Variants in PON2 observed in about 807,000 individuals in gnomAD.
PON2 encodes the protein serum paraoxonase/arylesterase 2.
A neutral mutation model predicts 36.6 loss-of-function variants in PON2; 27 were observed. The ratio of observed to expected loss-of-function variants is 0.74; its 90% CI spans 0.54 to 1.02. The LOEUF is 1.02. Ranked by LOEUF, PON2 falls within the 50% of genes least tolerant of loss-of-function variation. PON2 has a pLI of 0.00. For missense variants in PON2, 363 were observed against 421.1 expected (o/e 0.86, Z 1.21); for synonymous variants, 149 against 156.3 (o/e 0.95, Z 0.35).
chr7:95,409,855 G>A (rs754987929), intron 6 of PON2, 46 bp downstream of exon 6: 22 of 1,573,432 alleles, frequency 1.4e-5, no homozygotes, highest in Non-Finnish European at 1.7e-5. Flanking sequence ...AATTTGGCCA[G>A]CACCACAACT....
chr7:95,428,299 G>A (rs536330119), intron 1 of PON2, among the ~76,000 whole-genome samples: 6 of 152,098 alleles, frequency 3.9e-5, no homozygotes, highest in South Asian at 2.1e-4. Flanking sequence ...AACAGTATCC[G>A]CTGGCTTCCT....
intron 3 of PON2, chr7:95,415,174 T>C (rs936357622): frequency 6.6e-6 from 1 of 152,234 alleles, no homozygotes; most frequent in African/African-American, 2.4e-5. Flanking sequence ...TGGTTACTTC[T>C]TCCTCCAGAA....
chr7:95,426,273 A>G (rs77905306), intron 1 of PON2, among the ~76,000 whole-genome samples: 5,186 of 146,354 alleles, frequency 0.035, 195 homozygotes, highest in African/African-American at 0.085. Flanking sequence ...CAGAGAGAGA[A>G]AAAAAAAGTT....
At chr7:95,433,607 GC>G (rs11323880) in intron 1 of PON2, among the ~76,000 whole-genome samples, 47,687 of 152,030 alleles carry the variant, frequency 0.31, 7,691 homozygotes, top group East Asian at 0.44. Context: ...TGAAAGTGGG[GC>G]CCCATTTTTC....
chr7:95,434,463 G>T (rs1789515614), intron 1 of PON2: 1 of 183,360 alleles, frequency 5.5e-6, no homozygotes. Flanking sequence ...TCTGGTTTGG[G>T]CAACAAGGAG....
chr7:95,410,032 AG>A lies in PON2; in HGVS notation c.563del (p.Pro188LeufsTer3), dbSNP rs1562785324. On this transcript the variant is annotated frameshift_variant, in exon 6 of 9. Coordinates refer to ENST00000222572, the MANE Select transcript of PON2 (RefSeq NM_000305.3). LOFTEE classifies it high-confidence loss of function. Reference sequence around the variant, plus strand: ...AGTATGTTTCTAAATACTTTAAGAAAGGATCAGAGAAGTAGTGGTCATTTGT... The same window carrying A: ...AGTATGTTTCTAAATACTTTAAGAAAGATCAGAGAAGTAGTGGTCATTTGT... Reference protein sequence around the residue: ...YATNDHYFSDPFLKYLETYLN... With the variant: ...YATNDHYFSDXFLKYLETYLN... 1.9e-6 allele frequency: 3 copies of A among 1,613,888 alleles called. No homozygotes were observed. Among genetic ancestry groups the A allele is most frequent in the South Asian group, 2.2e-5 (2 of 91,082 alleles).
At chr7:95,428,089 G>A (rs1789357081) in intron 1 of PON2, among the ~76,000 whole-genome samples, 1 of 152,170 alleles carries the variant, frequency 6.6e-6, no homozygotes, top group Admixed American at 6.5e-5. Flanking sequence ...ATCAATAACA[G>A]CACTCTCCCT....
At chr7:95,409,833 A>G in intron 6 of PON2, 68 bp downstream of exon 6, 4 of 1,394,258 alleles carry the variant, frequency 2.9e-6, no homozygotes, top group Non-Finnish European at 3.0e-6. Context: ...TGACAAAGAA[A>G]GCAAAGTAAA....
At chr7:95,416,531 TCAC>T (rs963978041) in intron 2 of PON2, 53 of 553,648 alleles carry the variant, frequency 9.6e-5, no homozygotes, top group African/African-American at 8.9e-4. Context: ...AGTCAAGTTA[TCAC>T]CACATTTCCA....
At chr7:95,433,890 C>G (rs1361110888) in intron 1 of PON2, among the ~76,000 whole-genome samples, 1 of 152,232 alleles carries the variant, frequency 6.6e-6, no homozygotes, top group Non-Finnish European at 1.5e-5. Flanking sequence ...CTATGCGGTT[C>G]ATTTGTGTCT....
intron 1 of PON2, among the ~76,000 whole-genome samples, chr7:95,434,566 C>T (rs914142280): frequency 1.3e-5 from 2 of 152,174 alleles, no homozygotes; most frequent in African/African-American, 4.8e-5. Flanking sequence ...CTAGTTTGGC[C>T]CTTGGGTAAT....
At chr7:95,416,023 T>A in intron 3 of PON2, 1 of 736,076 alleles carries the variant, frequency 1.4e-6, no homozygotes, top group East Asian at 2.7e-5. Flanking sequence ...TTTAGTGCAA[T>A]GCAATGGGGA....
intron 3 of PON2, among the ~76,000 whole-genome samples, chr7:95,415,713 G>A (rs1789045554): frequency 6.6e-6 from 1 of 152,110 alleles, no homozygotes; most frequent in South Asian, 2.1e-4. Flanking sequence ...AGCACTTTGG[G>A]AGGCTGAGGC....
chr7:95,414,420 A>T (rs1270080930), intron 3 of PON2, among the ~76,000 whole-genome samples: 1 of 152,334 alleles, frequency 6.6e-6, no homozygotes, highest in Admixed American at 6.5e-5. Context: ...GGGTAACAGA[A>T]AAAAAGCAGA....
chr7:95,417,946 A>G (rs1789108281), intron 2 of PON2, among the ~76,000 whole-genome samples: 1 of 152,166 alleles, frequency 6.6e-6, no homozygotes, highest in African/African-American at 2.4e-5. Context: ...TTTCTACAAA[A>G]TTGTATATTT....
At chr7:95,424,641 G>A (rs1789274019) in intron 1 of PON2, 56 bp from the exon 2 acceptor site, 2 of 1,418,068 alleles carry the variant, frequency 1.4e-6, no homozygotes, top group Non-Finnish European at 2.0e-6. Context: ...TGTATTCCCT[G>A]CTTTGTTTTA....
chr7:95,420,350 AT>A (rs1789163942), intron 2 of PON2, among the ~76,000 whole-genome samples: 1 of 152,180 alleles, frequency 6.6e-6, no homozygotes, highest in Non-Finnish European at 1.5e-5. Context: ...AGAAAATCAG[AT>A]TTTTTAACTT....
rs561808480 is a variant in PON2 at position 95,406,169 on chromosome 7, T to C, written c.856A>G (p.Asn286Asp). ...TCATACACGAAGAGCTTCTGGCCAT[T>C]AGGATGACAGCCTACCCAGATGTCC... ...SGDIWVGCHP[N>D]GQKLFVYDPN... Residue 286 changes from asparagine (N) to aspartate (D), a missense_variant, in exon 8 of 9, where the codon AAT becomes GAT. Physicochemically the swap from Asn to Asp is conservative, Grantham distance 23. Coordinates refer to ENST00000222572, the MANE Select transcript of PON2 (RefSeq NM_000305.3). The C allele has an allele frequency of 6.2e-7, 1 of 1,613,756 alleles. No homozygotes were observed. The highest frequency in any genetic ancestry group is 8.5e-7 in the Non-Finnish European group (1 of 1,179,676).
rs774503203 is a variant in PON2, at chr7:95,407,067, A to T, written c.697T>A (p.Tyr233Asn). The T allele has an allele frequency of 4.4e-6, 7 of 1,584,494 alleles. No individual in the cohort carries two copies. The African/African-American group carries it at 9.4e-5, about 21-fold the overall frequency. Residue 233 changes from tyrosine (Y) to asparagine (N), a missense_variant and splice_region_variant, in exon 7 of 9, where the codon TAT becomes AAT. By Grantham distance (143) the Tyr-to-Asn change is moderately radical. Coordinates refer to ENST00000222572, the MANE Select transcript of PON2 (RefSeq NM_000305.3). ...NGINISPDDK[Y>N]IYVADILAHE... ...GCCAATATGTCAGCAACATAGATAT[A>T]CCTTTGCAGAAAGGACACAGTGGTT... is the stretch of plus-strand genomic sequence containing the variant.
Sources: gnomAD v4.1 joint callset for allele counts (sites outside exome capture counted in the v4.1 genomes callset) on GRCh38, gnomAD v4.1.1 for gene constraint, MANE v1.5 for transcripts, NCBI Gene and HGNC (gene_info 2026-07-23, HGNC 2026-07-21) for gene names.